SOS1: variants seen among roughly 807,000 people sequenced by gnomAD.
SOS1 encodes the protein son of sevenless homolog 1.
SOS1 carries 25 observed loss-of-function variants against 157.6 expected under a neutral mutation model. The ratio of observed to expected loss-of-function variants is 0.16; its 90% confidence interval spans 0.12 to 0.22. SOS1 has a LOEUF of 0.22. Among genes scored for constraint, SOS1 ranks in the 10% least tolerant of loss-of-function variants. SOS1 has a pLI of 1.00. For missense variants in SOS1, 1,237 were observed against 1,599.1 expected (o/e 0.77, Z 3.86); for synonymous variants, 528 against 534.0 (o/e 0.99, Z 0.16).
rs544208686 is a variant in SOS1 at position 39,082,594 on chromosome 2, C to T, written c.88-14841G>A. On this transcript the variant is annotated intron_variant, in intron 1 of 22. Transcript: ENST00000402219. ...GAGGCTCAAAAAAGAGCTTAGTGCT[C>T]GCTTTGGCAGCACGTATACTGAAAA... The T allele has an allele frequency of 2.6e-5, 4 of 152,294 alleles. No individual in the cohort carries two copies. In the East Asian group the frequency reaches 5.8e-4, roughly 22 times the overall value. The allele number at this position is 152,294 out of a possible 1,614,324, so 9.4% of individuals were successfully genotyped here.
At chr2:39,050,505 T>A (rs1670970541) in intron 6 of SOS1, among the ~76,000 whole-genome samples, 1 of 152,194 alleles carries the variant, frequency 6.6e-6, no homozygotes, top group Admixed American at 6.5e-5. Context: ...AGATTGAGTA[T>A]CTCTTACCCA....
chr2:39,072,993 G>A (rs1427741194), intron 1 of SOS1, among the ~76,000 whole-genome samples: 2 of 152,172 alleles, frequency 1.3e-5, no homozygotes, highest in Non-Finnish European at 2.9e-5. Context: ...AGAAGATGCT[G>A]TTAGGATATT....
chr2:39,018,747 C>T (rs1476287848), intron 10 of SOS1, among the ~76,000 whole-genome samples: 2 of 151,674 alleles, frequency 1.3e-5, no homozygotes, highest in East Asian at 1.9e-4. Flanking sequence ...CCAACCACCA[C>T]AGTAAAACAC....
At position 39,024,030 on chromosome 2, in the gene SOS1, A is replaced by C; in HGVS notation, c.1182T>G (p.Ser394Arg). The change falls in exon 9 of 23, where the codon AGT becomes AGG. Residue 394 changes from serine to arginine, a missense_variant. Ser to Arg is a moderately radical substitution (Grantham distance 110). Around this residue, in one of 15 missense-constraint regions of SOS1, gnomAD observed 101 missense variants for 171.5 expected, o/e 0.59. Transcript: ENST00000402219. ...TTCACCTCAGTCTTCGTTTTGCAAG[A>C]CTTTTAGAACATATTTTTTCCATAC... is the stretch of plus-strand genomic sequence containing the variant. The part of the protein sequence containing the change: ...QSGMEKICSK[S>R]LAKRRLSESA... 6.2e-7 allele frequency: 1 copy of C among 1,601,620 alleles called. No individual in the cohort carries two copies. Among genetic ancestry groups the C allele is most frequent in the Non-Finnish European group, 8.6e-7 (1 of 1,168,980 alleles).
Position 39,086,538 on chromosome 2 carries a change from T to C in SOS1, c.88-18785A>G, listed in dbSNP as rs146713673. 1.4e-3 allele frequency among the ~76,000 whole-genome samples: 206 copies of C among 152,356 alleles called. 1 individual carries two copies. Among genetic ancestry groups the C allele is most frequent in the African/African-American group, 4.5e-3 (188 of 41,584 alleles). The stretch of plus-strand genomic sequence containing the variant: ...GCCTGAATTACATTTTTAATGATTT[T>C]ATCATATAATGCCCTATCCTATCAA... On this transcript the variant is annotated intron_variant, in intron 1 of 22. Transcript: ENST00000402219.
rs1326726784 is a variant in SOS1 at position 39,120,806 on chromosome 2, G to A, written c.-384C>T. 6.6e-6 allele frequency among the ~76,000 whole-genome samples: 1 copy of A among 150,376 alleles called. No individual in the cohort carries two copies. The highest frequency in any genetic ancestry group is 1.5e-5 in the Non-Finnish European group (1 of 67,468). On this transcript the variant is annotated 5_prime_UTR_variant, in exon 1 of 23. Coordinates refer to ENST00000402219, the MANE Select transcript of SOS1 (RefSeq NM_005633.4). ...GGTCTGGCCCCGCGGCGGAGCTGGCGGCTGGGGGAGGACGTGTGGAGGGAC... is the reference window on the plus strand; with the variant it reads ...GGTCTGGCCCCGCGGCGGAGCTGGCAGCTGGGGGAGGACGTGTGGAGGGAC...
chr2:39,024,984 A>G (rs1211182794), intron 8 of SOS1, among the ~76,000 whole-genome samples: 4 of 152,240 alleles, frequency 2.6e-5, no homozygotes, highest in South Asian at 2.1e-4. Flanking sequence ...GAACTAAGTC[A>G]TCAGTAACTA....
chr2:39,058,578 T>G, intron 3 of SOS1, 95 bp downstream of exon 3: 1 of 1,334,502 alleles, frequency 7.5e-7, no homozygotes, highest in Middle Eastern at 2.0e-4. Flanking sequence ...TACTCTTAAG[T>G]TGACTCAATT....
At chr2:39,003,066 C>CAAAAACA (rs1553352634) in intron 17 of SOS1, among the ~76,000 whole-genome samples, 1 of 72,308 alleles carries the variant, frequency 1.4e-5, no homozygotes. Context: ...GACCTTGTAT[C>CAAAAACA]AAAAAAAAAA....
At chr2:39,042,720 T>TTC (rs1262137003) in intron 6 of SOS1, among the ~76,000 whole-genome samples, 1 of 151,530 alleles carries the variant, frequency 6.6e-6, no homozygotes, top group African/African-American at 2.4e-5. Context: ...TGATTTTTTT[T>TTC]TTTTTTTTTT....
At chr2:39,074,507 CA>C in intron 1 of SOS1, among the ~76,000 whole-genome samples, 1 of 151,548 alleles carries the variant, frequency 6.6e-6, no homozygotes, top group Non-Finnish European at 1.5e-5. Flanking sequence ...GAGCAAAAGA[CA>C]AAAAAAAGAC....
At position 39,038,186 on chromosome 2, in the gene SOS1, G is replaced by C. The variant is rs957065281; in HGVS notation, c.865-2686C>G. ...CCTCTGGAAAGGATTCACCATTCTA[G>C]ATGCCAGTAAGAACATTTGTTATTT... On this transcript the variant is annotated intron_variant, in intron 6 of 22. Coordinates refer to ENST00000402219, the MANE Select transcript of SOS1 (RefSeq NM_005633.4). 2.6e-5 allele frequency among the ~76,000 whole-genome samples: 4 copies of C among 152,278 alleles called. No individual in the cohort carries two copies. The South Asian group carries it at 8.3e-4, about 32-fold the overall frequency.
intron 10 of SOS1, among the ~76,000 whole-genome samples, chr2:39,018,116 A>G (rs1669684197): frequency 6.6e-6 from 1 of 151,910 alleles, no homozygotes; most frequent in Non-Finnish European, 1.5e-5. Flanking sequence ...TAAACACATA[A>G]AAATACAAAA....
At chr2:39,090,814 A>C (rs1490430627) in intron 1 of SOS1, among the ~76,000 whole-genome samples, 1 of 152,202 alleles carries the variant, frequency 6.6e-6, no homozygotes, top group African/African-American at 2.4e-5. Flanking sequence ...ATTTTGTAAA[A>C]AATACAGCTT....
intron 6 of SOS1, among the ~76,000 whole-genome samples, chr2:39,039,924 A>G (rs1670498939): frequency 6.6e-6 from 1 of 152,202 alleles, no homozygotes; most frequent in Non-Finnish European, 1.5e-5. Context: ...TACAATATGT[A>G]GTCTTTTGTG....
intron 18 of SOS1, 32 bp downstream of exon 18, chr2:38,997,221 A>T (rs727505384): frequency 6.5e-7 from 1 of 1,536,246 alleles, no homozygotes; most frequent in South Asian, 1.1e-5. Context: ...AAACTTAATC[A>T]GAAGTATGAA....
At chr2:39,050,175 C>G (rs1044417860) in intron 6 of SOS1, among the ~76,000 whole-genome samples, 6 of 152,154 alleles carry the variant, frequency 3.9e-5, no homozygotes, top group Admixed American at 1.3e-4. Flanking sequence ...ATTTTACAAG[C>G]TCAATGCTGT....
At chr2:39,124,016 C>A (rs1006154972), upstream of SOS1, 1 of 152,250 alleles carries the variant, frequency 6.6e-6, no homozygotes, top group Non-Finnish European at 1.5e-5. Flanking sequence ...CTAGCATGGC[C>A]GTTTGGGCCG....
chr2:39,092,926 T>C (rs297143), intron 1 of SOS1, among the ~76,000 whole-genome samples: 142,149 of 152,244 alleles, frequency 0.93, 66,476 homozygotes, highest in African/African-American at 0.97. Flanking sequence ...ATGAAAATGA[T>C]AATTTACTTC....
Sources: allele counts gnomAD v4.1 joint callset (sites outside exome capture counted in the v4.1 genomes callset), GRCh38; gene constraint gnomAD v4.1.1; regional missense constraint gnomAD v4.1.1; transcripts MANE v1.5; gene names NCBI Gene and HGNC (gene_info 2026-07-23, HGNC 2026-07-21).